The following TET3 variants were observed in gnomAD, a reference collection of about 807,000 sequenced individuals.
The protein encoded by TET3 is tet methylcytosine dioxygenase 3.
Under a neutral mutation model 141.4 loss-of-function variants are expected in TET3, and 19 were observed. That is an observed-to-expected ratio of 0.13 (90% confidence interval 0.09 to 0.20). The LOEUF (loss-of-function observed/expected upper bound fraction) is 0.20, where lower values mean the gene tolerates loss of function less well. Among genes scored for constraint, TET3 ranks in the 10% least tolerant of loss-of-function variants. The probability of loss-of-function intolerance (pLI) is 1.00; values close to 1 mark genes in which losing one functional copy is unlikely to be tolerated. For synonymous variants in TET3, 1,043 were observed against 980.9 expected, an observed-to-expected ratio of 1.06 and a Z score of -1.18; for missense variants, 1,874 against 2,356.9, an observed-to-expected ratio of 0.80 and a Z score of 4.24.
intron 6 of TET3, among the ~76,000 whole-genome samples, chr2:74,086,304 T>G (rs915928757): frequency 1.3e-5 from 2 of 152,138 alleles, no homozygotes; most frequent in Non-Finnish European, 2.9e-5. Context: ...AGGACAGTGT[T>G]TAGGAATTAA....
the TET3 span, among the ~76,000 whole-genome samples, chr2:74,119,465 C>T: frequency 1.3e-5 from 2 of 152,094 alleles, no homozygotes; most frequent in African/African-American, 4.8e-5. Context: ...TCAGGTTGAG[C>T]CTATTAGAAA....
the TET3 span, among the ~76,000 whole-genome samples, chr2:74,131,087 C>G: frequency 6.6e-6 from 1 of 151,814 alleles, no homozygotes; most frequent in East Asian, 1.9e-4. Context: ...CTCGGTGCCT[C>G]CGCTCTCCCG....
At chr2:74,070,807 C>T (rs1689162965) in intron 4 of TET3, among the ~76,000 whole-genome samples, 1 of 151,976 alleles carries the variant, frequency 6.6e-6, no homozygotes, top group South Asian at 2.1e-4. Flanking sequence ...AACCCTGCCT[C>T]TACAAAAAAA....
intron 4 of TET3, among the ~76,000 whole-genome samples, chr2:74,061,705 G>T (rs1351358266): frequency 1.4e-5 from 2 of 145,948 alleles, no homozygotes; most frequent in East Asian, 2.0e-4. Context: ...CTCAGACGGG[G>T]CAGCTGCCGG....
At chr2:74,063,110 C>T (rs1023526368) in intron 4 of TET3, among the ~76,000 whole-genome samples, 1 of 151,940 alleles carries the variant, frequency 6.6e-6, no homozygotes, top group Non-Finnish European at 1.5e-5. Context: ...TCTCTAACTC[C>T]TGACCTCAAG....
intron 4 of TET3, among the ~76,000 whole-genome samples, chr2:74,052,153 GTATTTTAGTA>G (rs1687980063): frequency 6.6e-6 from 1 of 152,152 alleles, no homozygotes; most frequent in South Asian, 2.1e-4. Context: ...CTAACTTCTT[GTATTTTAGTA>G]GAGACGGGGT....
At chr2:74,125,513 A>G in the TET3 span, among the ~76,000 whole-genome samples, 1 of 152,154 alleles carries the variant, frequency 6.6e-6, no homozygotes, top group Non-Finnish European at 1.5e-5. Context: ...CTAACTGCCA[A>G]TTTACAACTG....
At chr2:74,116,406 G>A in the TET3 span, among the ~76,000 whole-genome samples, 6 of 152,110 alleles carry the variant, frequency 3.9e-5, no homozygotes, top group African/African-American at 1.4e-4. Flanking sequence ...TATCTGGGAG[G>A]GCACGGTGGC....
rs573323733 is a variant in TET3, at chr2:74,093,819, C to T, written c.3267+153C>T. 1.8e-3 allele frequency among the ~76,000 whole-genome samples: 272 copies of T among 152,284 alleles called. 1 individual carries two copies. Among genetic ancestry groups the T allele is most frequent in the Non-Finnish European group, 2.0e-3 (134 of 68,020 alleles). On this transcript the variant is annotated intron_variant, in intron 10 of 11. Coordinates refer to ENST00000409262, the MANE Select transcript of TET3 (RefSeq NM_001287491.2). This position sits in a 1 kb window ranked among gnomAD's most constrained non-coding sequence, Gnocchi z 4.2. ...GGTTCCCTGCAAGACGGCCTGCCTT[C>T]GCCCACCTCCCAGAGAAAACCTCAC...
At chr2:74,114,882 G>A in the TET3 span, among the ~76,000 whole-genome samples, 1 of 80,842 alleles carries the variant, frequency 1.2e-5, no homozygotes, top group Admixed American at 1.4e-4. Context: ...AAAGATGCTG[G>A]GAAAACTGGT....
chr2:74,005,349 G>C (rs1028812557), intron 3 of TET3, among the ~76,000 whole-genome samples: 125 of 152,212 alleles, frequency 8.2e-4, no homozygotes, highest in African/African-American at 2.9e-3. Flanking sequence ...CTCTGAGGTT[G>C]TATCTATGCT....
chr2:74,089,290 A>G (rs1006743609), intron 7 of TET3, among the ~76,000 whole-genome samples: 7 of 152,082 alleles, frequency 4.6e-5, no homozygotes, highest in Non-Finnish European at 8.8e-5. Context: ...TCCATTGAAC[A>G]TAGTGTTTTC....
Position 74,073,604 on chromosome 2 carries a change from C to T in TET3, c.2550C>T (p.Pro850=). Residue 850 remains proline (P), a synonymous_variant, in exon 5 of 12, where the codon CCC becomes CCT. Coordinates refer to ENST00000409262, the MANE Select transcript of TET3 (RefSeq NM_001287491.2). ...GPYYTHLGSG[P]TVASIRELME... ...ATTATACTCACTTGGGATCTGGCCCCACGGTCGCCTCTATCCGGGAACTCA... is the reference window on the plus strand; with the variant it reads ...ATTATACTCACTTGGGATCTGGCCCTACGGTCGCCTCTATCCGGGAACTCA... The T allele has an allele frequency of 1.2e-6, 2 of 1,612,240 alleles. No individual in the cohort carries two copies. Among genetic ancestry groups the T allele is most frequent in the Non-Finnish European group, 1.7e-6 (2 of 1,179,308 alleles).
At chr2:73,995,730 A>G (rs774153471) in intron 2 of TET3, among the ~76,000 whole-genome samples, 2 of 152,168 alleles carry the variant, frequency 1.3e-5, no homozygotes, top group African/African-American at 4.8e-5. Context: ...GCTGGGAGCC[A>G]GCCTTAGAGT....
intron 3 of TET3, among the ~76,000 whole-genome samples, chr2:74,034,982 T>C (rs1229640453): frequency 6.8e-6 from 1 of 146,862 alleles, no homozygotes; most frequent in Non-Finnish European, 1.5e-5. Flanking sequence ...ACGAGGTCAG[T>C]AGACCAAGAC....
At chr2:74,090,564 G>A (rs1369998808) in intron 8 of TET3, among the ~76,000 whole-genome samples, 2 of 152,196 alleles carry the variant, frequency 1.3e-5, no homozygotes, top group Non-Finnish European at 2.9e-5. Context: ...CCTGGTCCCT[G>A]GGCTCTGGAC....
chr2:74,076,280 G>C (rs574738837), intron 5 of TET3, among the ~76,000 whole-genome samples: 13 of 151,902 alleles, frequency 8.6e-5, no homozygotes, highest in Non-Finnish European at 1.6e-4. Flanking sequence ...TTAGCAACTG[G>C]TTTATTTTTA....
chr2:74,018,123 G>A (rs1451479385), intron 3 of TET3, among the ~76,000 whole-genome samples: 2 of 151,730 alleles, frequency 1.3e-5, no homozygotes, highest in African/African-American at 4.8e-5. Flanking sequence ...ATGTGCCACC[G>A]TGCCCGACTA....
At chr2:74,110,584 A>C (rs1691679271), downstream of TET3, among the ~76,000 whole-genome samples, 1 of 152,172 alleles carries the variant, frequency 6.6e-6, no homozygotes, top group Non-Finnish European at 1.5e-5. Context: ...AACACAACAT[A>C]GAAGACGTGA....
Sources: gnomAD v4.1 joint callset for allele counts (sites outside exome capture counted in the v4.1 genomes callset) on GRCh38, gnomAD v4.1.1 for gene constraint, Gnocchi (gnomAD v3.1) non-coding constraint, MANE v1.5 for transcripts, NCBI Gene and HGNC (gene_info 2026-07-23, HGNC 2026-07-21) for gene names.